MUC4: variants seen among roughly 807,000 people sequenced by gnomAD.
The protein encoded by MUC4 is mucin-4.
In MUC4, 202 loss-of-function variants were observed where a neutral mutation model predicts 257.9. That is an observed-to-expected ratio of 0.78 (90% CI 0.70 to 0.88). The LOEUF is 0.88. Among genes scored for constraint, MUC4 ranks in the 40% least tolerant of loss-of-function variants. The pLI, the probability that MUC4 is intolerant of heterozygous loss-of-function variation, is 0.00. For missense variants in MUC4, 5,976 were observed against 6,513.7 expected, an observed-to-expected ratio of 0.92 and a Z score of 2.84; for synonymous variants, 2,351 against 2,757.1, an observed-to-expected ratio of 0.85 and a Z score of 4.62.
At chr3:195,800,699 A>G (rs71321854) in intron 1 of MUC4, among the ~76,000 whole-genome samples, 2 of 152,146 alleles carry the variant, frequency 1.3e-5, no homozygotes, top group Non-Finnish European at 1.5e-5. Flanking sequence ...ACCTATCTTT[A>G]CAAAGAAGAA....
chr3:195,784,136 G>A lies in MUC4; in HGVS notation c.7444C>T (p.Leu2482Phe), dbSNP rs746187487. 2.6e-6 allele frequency: 4 copies of A among 1,529,082 alleles called. No individual in the cohort carries two copies. The South Asian group carries it at 3.6e-5, about 14-fold the overall frequency. The allele number at this position is 1,529,082 out of a possible 1,614,324, so 94.7% of individuals were successfully genotyped here. The change falls in exon 2 of 25, where the codon CTT becomes TTT. Residue 2482 changes from leucine to phenylalanine, a missense_variant. By Grantham distance (22) the Leu-to-Phe change is conservative. Transcript: ENST00000463781. ...GATACTGACGAAGCGTCGGTGACAAGAAGAGGGGTGGTGTGACCTGTGGAT... is the reference window on the plus strand; with the variant it reads ...GATACTGACGAAGCGTCGGTGACAAAAAGAGGGGTGGTGTGACCTGTGGAT... ...SVSTGHTTPLLVTDASSVSTG... is the reference protein window; with the variant it reads ...SVSTGHTTPLFVTDASSVSTG...
intron 3 of MUC4, among the ~76,000 whole-genome samples, chr3:195,777,824 CCCATACCTTCCACAT>C (rs1560289653): frequency 5.1e-5 from 3 of 58,588 alleles, no homozygotes; most frequent in African/African-American, 2.8e-4. Flanking sequence ...ACCTTCCACA[CCCATACCTTCCACAT>C]CCATACCTTC....
chr3:195,755,538 G>C lies in MUC4; in HGVS notation c.15169-1166C>G, dbSNP rs1050526598. Reference sequence around the variant, plus strand: ...CAAACCAAGAAGACAGAGCCTCCCTGCTGAGCACTGTGAGAAAACACAGCA... The same window carrying C: ...CAAACCAAGAAGACAGAGCCTCCCTCCTGAGCACTGTGAGAAAACACAGCA... On this transcript the variant is annotated intron_variant, in intron 18 of 24. Coordinates refer to ENST00000463781, the MANE Select transcript of MUC4 (RefSeq NM_018406.7). This position sits in a 1 kb window ranked among gnomAD's most constrained non-coding sequence, Gnocchi z 5.0. 6.6e-6 allele frequency among the ~76,000 whole-genome samples: 1 copy of C among 152,070 alleles called. No homozygotes were observed. Among genetic ancestry groups the C allele is most frequent in the Non-Finnish European group, 1.5e-5 (1 of 68,016 alleles).
At chr3:195,778,563 G>A in intron 2 of MUC4, 108 bp from the exon 3 acceptor site, 2 of 1,442,534 alleles carry the variant, frequency 1.4e-6, no homozygotes, top group Admixed American at 4.5e-5. Flanking sequence ...GAAACTCCTT[G>A]TCTCTCCCCT....
rs1389517007 is a variant in MUC4, at chr3:195,790,548, G to A, written c.1032C>T (p.Leu344=). Residue 344 remains leucine, a synonymous_variant, in exon 2 of 25, where the codon CTC becomes CTT. Transcript: ENST00000463781. ...RVSQINTLNT[L]TPVTTSTVLS... ...AAACAGTTGATGTTGTAACCGGTGT[G>A]AGGGTGTTGAGGGTGTTGATTTGAG... The A allele has an allele frequency of 1.2e-6, 2 of 1,614,020 alleles. No individual in the cohort carries two copies. Among genetic ancestry groups the A allele is most frequent in the East Asian group, 2.2e-5 (1 of 44,882 alleles).
rs749680851 is a variant in MUC4, at chr3:195,788,608, G to T, written c.2972C>A (p.Thr991Asn). 9.5e-6 allele frequency: 15 copies of T among 1,585,204 alleles called. No individual in the cohort carries two copies. Among genetic ancestry groups the T allele is most frequent in the Middle Eastern group, 3.4e-4 (2 of 5,968 alleles). ...GGAAGCATCGGTGACATGAAGAGGG[G>T]TGGTGTGACCTGTGGATGCCGAGGA... ...YASSASTGHTTPLHVTDASSV... is the reference protein window; with the variant it reads ...YASSASTGHTNPLHVTDASSV... Residue 991 changes from threonine (T) to asparagine (N), a missense_variant, in exon 2 of 25, where the codon ACC becomes AAC. Physicochemically the swap from Thr to Asn is moderately conservative, Grantham distance 65. This residue lies in a region of MUC4 where 1,583 missense variants were observed against 1,257.4 expected (regional missense o/e 1.26). Coordinates refer to ENST00000463781, the MANE Select transcript of MUC4 (RefSeq NM_018406.7).
chr3:195,789,437 C>G lies in MUC4; in HGVS notation c.2143G>C (p.Ala715Pro). Residue 715 changes from alanine to proline, a missense_variant, in exon 2 of 25, where the codon GCA (alanine) becomes CCA (proline). Physicochemically the swap from Ala to Pro is conservative, Grantham distance 27. This residue lies in a region of MUC4 where 1,583 missense variants were observed against 1,257.4 expected (regional missense o/e 1.26). Coordinates refer to ENST00000463781, the MANE Select transcript of MUC4 (RefSeq NM_018406.7). ...GTGGCATCATGGCTGCTGGGTGCTG[C>G]CTGCAGTGCTGTGGTCGGGGCCTGG... ...TTQAPTTALQ[A>P]APSSHDATLG... 6.2e-7 allele frequency: 1 copy of G among 1,613,956 alleles called. No individual in the cohort carries two copies. The highest frequency in any genetic ancestry group is 1.1e-5 in the South Asian group (1 of 91,076).
chr3:195,796,605 G>A lies in MUC4; in HGVS notation c.83-5108C>T, dbSNP rs150257930. On this transcript the variant is annotated intron_variant, in intron 1 of 24. Coordinates refer to ENST00000463781, the MANE Select transcript of MUC4 (RefSeq NM_018406.7). ...ACTCTGGAGGCTGAGGCAGGAGAAC[G>A]GCGTGAACCTGGGAGGCAGAGGTTG... Among the ~76,000 whole-genome samples the A allele has an allele frequency of 8.1e-3, 1,225 of 151,822 alleles. 9 individuals are homozygous for A. Among genetic ancestry groups the A allele is most frequent in the Middle Eastern group, 0.01 (3 of 294 alleles).
rs1718273612 is a variant in MUC4, at chr3:195,759,180, T to C, written c.14930A>G (p.Asn4977Ser). The change falls in exon 17 of 25, where the codon AAT becomes AGT. Residue 4977 changes from asparagine (N) to serine (S), a missense_variant. Physicochemically the swap from Asn to Ser is conservative, Grantham distance 46. Transcript: ENST00000463781. ...GAGCGTGAAGTTGGCATCCTCAGCA[T>C]TGCTGGTGTACTGAATCAGCGTGGT... ...GQTTLIQYTS[N>S]AEDANFTLRD... The C allele has an allele frequency of 3.7e-6, 6 of 1,613,924 alleles. No homozygotes were observed. In the African/African-American group the frequency reaches 8.0e-5, roughly 22 times the overall value.
In MUC4 at chr3:195,778,794, T is replaced by G. The variant is rs1321116343; in HGVS notation, c.12786A>C (p.Thr4262=). 1 of 1,609,450 alleles carries G rather than the reference T, an allele frequency of 6.2e-7. No homozygotes were observed. The highest frequency in any genetic ancestry group is 1.3e-5 in the African/African-American group (1 of 74,910). ...GGCGAGGCAGTTGGCAGCTACCTGG[T>G]GTTTCCATCTTCAGAGGGGAGTCCG... is the stretch of plus-strand genomic sequence containing the variant. ...VSSDSPLKME[T]PGMTTPSLKT... The change falls in exon 2 of 25, where the codon ACA becomes ACC. Residue 4262 remains threonine (T), a synonymous_variant. Transcript: ENST00000463781.
chr3:195,790,784 C>CA lies in MUC4; in HGVS notation c.795_796insT (p.Val266CysfsTer36). ...AGAGTGGAGCCTGTGGAGGTTGTCA[C>CA]TGTTATCTTCTCTGATGTCATCATG... On this transcript the variant is annotated frameshift_variant, in exon 2 of 25. Transcript: ENST00000463781. LOFTEE classifies it high-confidence loss of function. 6.2e-7 allele frequency: 1 copy of CA among 1,612,772 alleles called. No homozygotes were observed. The highest frequency in any genetic ancestry group is 1.1e-5 in the South Asian group (1 of 91,012).
At chr3:195,769,518 G>A (rs1166043456) in intron 6 of MUC4, 2 of 231,550 alleles carry the variant, frequency 8.6e-6, no homozygotes, top group East Asian at 1.8e-4. Context: ...CTCCCGCGCG[G>A]ATATTTAAGG....
intron 1 of MUC4, among the ~76,000 whole-genome samples, chr3:195,804,383 G>T (rs993116652): frequency 6.6e-6 from 1 of 152,242 alleles, no homozygotes; most frequent in African/African-American, 2.4e-5. Context: ...GAGGTGACAG[G>T]TGTGCTGTTG....
chr3:195,762,859 G>T lies in MUC4; in HGVS notation c.14340C>A (p.Gly4780=), dbSNP rs371230648. 1.3e-6 allele frequency: 2 copies of T among 1,558,920 alleles called. No homozygotes were observed. Among genetic ancestry groups the T allele is most frequent in the African/African-American group, 2.7e-5 (2 of 73,260 alleles). Reference sequence around the variant, plus strand: ...GGCCGGCGCTCCCCAACCTACCTCCGCCGTCTTCATGGTCAGGCTGAAATG... The same window carrying T: ...GGCCGGCGCTCCCCAACCTACCTCCTCCGTCTTCATGGTCAGGCTGAAATG... ...TVTFQPDHED[G]GGQETFNATG... The change falls in exon 13 of 25, where the codon GGC becomes GGA. Residue 4780 remains glycine (G), a synonymous_variant. Transcript: ENST00000463781.
intron 19 of MUC4, 176 bp downstream of exon 19, chr3:195,754,037 C>T: frequency 1.2e-6 from 1 of 855,880 alleles, no homozygotes; most frequent in Non-Finnish European, 1.7e-6. Flanking sequence ...GCCTAGATTT[C>T]CCATACCTGC....
intron 20 of MUC4, 53 bp from the exon 21 acceptor site, chr3:195,752,499 C>A: frequency 1.3e-6 from 2 of 1,526,412 alleles, no homozygotes; most frequent in South Asian, 1.1e-5. Context: ...CCCAGACTTA[C>A]CCAAAAAGTC....
intron 9 of MUC4, 43 bp from the exon 10 acceptor site, chr3:195,765,165 CA>C: frequency 6.3e-7 from 1 of 1,590,782 alleles, no homozygotes; most frequent in Non-Finnish European, 8.6e-7. Context: ...CTGGGGCTGC[CA>C]GGGGCGGGGT....
chr3:195,751,410 C>G (rs1716414433), intron 21 of MUC4, 139 bp from the exon 22 acceptor site: 1 of 694,440 alleles, frequency 1.4e-6, no homozygotes, highest in Admixed American at 2.1e-5. Flanking sequence ...CCTCACCTGT[C>G]TCTGCACCCT....
Position 195,754,207 on chromosome 3 carries a change from G to A in MUC4, c.15328+6C>T, listed in dbSNP as rs1577947206. On this transcript the variant is annotated splice_donor_region_variant and intron_variant, in intron 19 of 24. Coordinates refer to ENST00000463781, the MANE Select transcript of MUC4 (RefSeq NM_018406.7). ...GCGCCTGCTCCAGGCCCTGTTCCCG[G>A]CTCACCCGCACAGTGCCGCCCATCC... 1.2e-6 allele frequency: 2 copies of A among 1,607,208 alleles called. No homozygotes were observed. Among genetic ancestry groups the A allele is most frequent in the East Asian group, 2.2e-5 (1 of 44,572 alleles).
Sources: gnomAD v4.1 joint callset for allele counts (sites outside exome capture counted in the v4.1 genomes callset) on GRCh38, gnomAD v4.1.1 for gene constraint, gnomAD v4.1.1 regional missense constraint, Gnocchi (gnomAD v3.1) non-coding constraint, MANE v1.5 for transcripts, NCBI Gene and HGNC (gene_info 2026-07-23, HGNC 2026-07-21) for gene names.